The following POFUT2 variants were observed in gnomAD, a reference collection of about 807,000 sequenced individuals.
POFUT2 encodes the protein GDP-fucose protein O-fucosyltransferase 2.
Under a neutral mutation model 55.0 loss-of-function variants are expected in POFUT2, and 30 were observed. The ratio of observed to expected loss-of-function variants is 0.55; its 90% confidence interval spans 0.41 to 0.74. POFUT2 has a LOEUF of 0.74. Among genes scored for constraint, POFUT2 ranks in the 30% least tolerant of loss-of-function variants. POFUT2 has a pLI of 0.00. For synonymous variants in POFUT2, 267 were observed against 231.1 expected (o/e 1.16, Z -1.41); for missense variants, 524 against 562.6 (o/e 0.93, Z 0.69).
In POFUT2 at chr21:45,265,372, C is replaced by T. The variant is rs1271990413; in HGVS notation, c.*110G>A. The T allele has an allele frequency of 2.0e-5, 20 of 990,862 alleles. No individual in the cohort carries two copies. The highest frequency in any genetic ancestry group is 9.6e-5 in the South Asian group (6 of 62,806). The allele number at this position is 990,862 out of a possible 1,614,324, so 61.4% of individuals were successfully genotyped here. On this transcript the variant is annotated 3_prime_UTR_variant, in exon 9 of 9. Coordinates refer to ENST00000349485, the MANE Select transcript of POFUT2 (RefSeq NM_133635.6). This position sits in a 1 kb window ranked among gnomAD's most constrained non-coding sequence, Gnocchi z 4.6. Reference sequence around the variant, plus strand: ...TCTGGGCCTGGGACCCTGCGAGGGACGGTCCTGTCCGCCCAGCTCCCGGCT... The same window carrying T: ...TCTGGGCCTGGGACCCTGCGAGGGATGGTCCTGTCCGCCCAGCTCCCGGCT...
In POFUT2 at chr21:45,284,523, T is replaced by C. The variant is rs1008179347; in HGVS notation, c.383-996A>G. 6.6e-6 allele frequency among the ~76,000 whole-genome samples: 1 copy of C among 152,152 alleles called. No homozygotes were observed. The highest frequency in any genetic ancestry group is 2.4e-5 in the African/African-American group (1 of 41,430). On this transcript the variant is annotated intron_variant, in intron 2 of 8. Coordinates refer to ENST00000349485, the MANE Select transcript of POFUT2 (RefSeq NM_133635.6). The surrounding 1 kb of genome is among the most constrained non-coding windows in gnomAD (Gnocchi z 5.8). ...ACAGCTCAGCAAAGCCCCAGGCTGGTGGATGGCAGGTAAGCGTGAGACCAG... is the reference window on the plus strand; with the variant it reads ...ACAGCTCAGCAAAGCCCCAGGCTGGCGGATGGCAGGTAAGCGTGAGACCAG...
chr21:45,269,267 A>AG (rs1411130142), intron 7 of POFUT2, among the ~76,000 whole-genome samples: 3 of 150,896 alleles, frequency 2.0e-5, no homozygotes, highest in Non-Finnish European at 3.0e-5. Context: ...CTGCCCGGCC[A>AG]CCACCCCGTC....
intron 3 of POFUT2, 173 bp downstream of exon 3, chr21:45,283,210 G>T (rs1481788531): frequency 6.0e-5 from 26 of 431,828 alleles, no homozygotes; most frequent in Middle Eastern, 7.0e-4. Context: ...CGGGGGGAGT[G>T]GGGGGTGAAG....
At chr21:45,278,047 C>T (rs769913383) in intron 5 of POFUT2, 56 bp downstream of exon 5, 227 of 1,320,656 alleles carry the variant, frequency 1.7e-4, no homozygotes, top group Non-Finnish European at 2.4e-4. Context: ...TTTTCAAAAG[C>T]TAAATAATGG....
At chr21:45,273,942 A>G (rs1251793197) in intron 6 of POFUT2, among the ~76,000 whole-genome samples, 1 of 152,208 alleles carries the variant, frequency 6.6e-6, no homozygotes, top group Non-Finnish European at 1.5e-5. Flanking sequence ...TCTATTCAAC[A>G]TAGTACTAGA....
chr21:45,266,173 C>T lies in POFUT2; in HGVS notation c.1137-538G>A, dbSNP rs374166306. ...CCAGACCTCAGGTCAGCGGCCTGCCCGTTCCTCCGGCTCCTGCGCAGCTGG... is the reference window on the plus strand; with the variant it reads ...CCAGACCTCAGGTCAGCGGCCTGCCTGTTCCTCCGGCTCCTGCGCAGCTGG... On this transcript the variant is annotated intron_variant, in intron 8 of 8. Coordinates refer to ENST00000349485, the MANE Select transcript of POFUT2 (RefSeq NM_133635.6). 3.5e-5 allele frequency: 48 copies of T among 1,367,184 alleles called. 1 individual carries two copies. Among genetic ancestry groups the T allele is most frequent in the South Asian group, 3.0e-4 (26 of 88,056 alleles). The allele number at this position is 1,367,184 out of a possible 1,614,324, so 84.7% of individuals were successfully genotyped here.
At position 45,283,439 on chromosome 21, in the gene POFUT2, G is replaced by A. The variant is rs567384880; in HGVS notation, c.471C>T (p.Asp157=). Residue 157 remains aspartate, a synonymous_variant, in exon 3 of 9, where the codon GAC becomes GAT. Transcript: ENST00000349485. ...WKEGTWEEKV[D]ERPCIDQLLY... ...GGAGCTGATCAATACACGGCCGCTC[G>A]TCCACCTTCTCTTCCCAGGTCCCTT... The A allele has an allele frequency of 7.4e-4, 1,191 of 1,613,600 alleles. 15 individuals carry two copies. In the South Asian group the frequency reaches 0.012, roughly 16 times the overall value.
chr21:45,267,954 A>G lies in POFUT2; in HGVS notation c.1013-241T>C, dbSNP rs1048129943. On this transcript the variant is annotated intron_variant, in intron 7 of 8. Coordinates refer to ENST00000349485, the MANE Select transcript of POFUT2 (RefSeq NM_133635.6). The surrounding 1 kb of genome is among the most constrained non-coding windows in gnomAD (Gnocchi z 4.4). Reference sequence around the variant, plus strand: ...GAACAGAACCAGGGATCAAGAAGAAAGGAAAGAAACGTGCTCCCTCTCCCT... The same window carrying G: ...GAACAGAACCAGGGATCAAGAAGAAGGGAAAGAAACGTGCTCCCTCTCCCT... Among the ~76,000 whole-genome samples, 1 of 152,148 alleles carries G rather than the reference A, an allele frequency of 6.6e-6. No homozygotes were observed. The highest frequency in any genetic ancestry group is 1.5e-5 in the Non-Finnish European group (1 of 68,016).
intron 7 of POFUT2, among the ~76,000 whole-genome samples, chr21:45,269,241 G>A (rs868500193): frequency 3.4e-4 from 52 of 152,158 alleles, no homozygotes; most frequent in Non-Finnish European, 6.5e-4. Context: ...CCCCTACTGG[G>A]AAGTGAAGAG....
chr21:45,270,958 G>A lies in POFUT2; in HGVS notation c.832-939C>T, dbSNP rs901828317. ...GCCCAAATGAGAAGCAGGCAGAAAA[G>A]CAATTGTGATAATATGACAAAACAA... On this transcript the variant is annotated intron_variant, in intron 6 of 8. Coordinates refer to ENST00000349485, the MANE Select transcript of POFUT2 (RefSeq NM_133635.6). This position sits in a 1 kb window ranked among gnomAD's most constrained non-coding sequence, Gnocchi z 4.6. Among the ~76,000 whole-genome samples, 1 of 152,334 alleles carries A rather than the reference G, an allele frequency of 6.6e-6. No individual in the cohort carries two copies. Among genetic ancestry groups the A allele is most frequent in the East Asian group, 1.9e-4 (1 of 5,186 alleles).
Position 45,283,325 on chromosome 21 carries a change from ATGCGGCAGGGGGAGGTGGGGGGGCACC to A in POFUT2, c.527+31_527+57del, listed in dbSNP as rs1312568401. 1,105 of 673,688 alleles carry A rather than the reference ATGCGGCAGGGGGAGGTGGGGGGGCACC, an allele frequency of 1.6e-3. 4 individuals are homozygous for A. The highest frequency in any genetic ancestry group is 4.4e-3 in the South Asian group (216 of 49,386). 41.7% of individuals were successfully genotyped at this position (673,688 alleles called of 1,614,324 possible). Reference sequence around the variant, plus strand: ...GCCTGAGGCGGGGGGGGGGGGACGCATGCGGCAGGGGGAGGTGGGGGGGCACCTGCGGCAGGGGGAGCAGCCTCAGCA... The same window carrying A: ...GCCTGAGGCGGGGGGGGGGGGACGCATGCGGCAGGGGGAGCAGCCTCAGCA... On this transcript the variant is annotated intron_variant, in intron 3 of 8. Coordinates refer to ENST00000349485, the MANE Select transcript of POFUT2 (RefSeq NM_133635.6).
rs913978306 is a variant in POFUT2 at position 45,266,283 on chromosome 21, C to T, written c.1137-648G>A. 5.0e-5 allele frequency: 68 copies of T among 1,366,900 alleles called. 1 individual carries two copies. The South Asian group carries it at 5.3e-4, about 11-fold the overall frequency. 84.7% of individuals were successfully genotyped at this position (1,366,900 alleles called of 1,614,324 possible). A position where few individuals can be genotyped will look rare whatever the true frequency, so the allele number is the denominator to read the frequency against. ...TCCAGAGCAAATGTAACATGCACAG[C>T]GCTGTACACAGAGCCACAGGGCCAG... On this transcript the variant is annotated intron_variant, in intron 8 of 8. Coordinates refer to ENST00000349485, the MANE Select transcript of POFUT2 (RefSeq NM_133635.6).
chr21:45,285,866 C>A lies in POFUT2; in HGVS notation c.194G>T (p.Arg65Leu), dbSNP rs773410258. The stretch of plus-strand genomic sequence containing the variant: ...CAGAGTCTTCAGGAGAGAGGCGATT[C>A]GGATATAGACATCCCTGCGCAGGTT... ...GFNLRRDVYI[R>L]IASLLKTLLK... Residue 65 changes from arginine (R) to leucine (L), a missense_variant, in exon 2 of 9, where the codon CGA (arginine) becomes CTA (leucine). Physicochemically the swap from Arg to Leu is moderately radical, Grantham distance 102 (BLOSUM62 -2). Around this residue, in one of 2 missense-constraint regions of POFUT2, gnomAD observed 274 missense variants for 244.4 expected, o/e 1.12. Transcript: ENST00000349485. The surrounding 1 kb of genome is among the most constrained non-coding windows in gnomAD (Gnocchi z 4.9). 6.2e-7 allele frequency: 1 copy of A among 1,612,836 alleles called. No individual in the cohort carries two copies. The highest frequency in any genetic ancestry group is 1.3e-5 in the African/African-American group (1 of 74,880).
chr21:45,277,074 G>C lies in POFUT2; in HGVS notation c.774C>G (p.Leu258=). 6.2e-7 allele frequency: 1 copy of C among 1,614,098 alleles called. No homozygotes were observed. Among genetic ancestry groups the C allele is most frequent in the African/African-American group, 1.3e-5 (1 of 75,050 alleles). ...EVGDEFRSRH[L]NSTDDADRIP... Reference sequence around the variant, plus strand: ...TCCTGTCTGCGTCGTCCGTGGAGTTGAGATGTCTGCTCCTGAACTCGTCTC... The same window carrying C: ...TCCTGTCTGCGTCGTCCGTGGAGTTCAGATGTCTGCTCCTGAACTCGTCTC... The change falls in exon 6 of 9, where the codon CTC becomes CTG. Residue 258 remains leucine, a synonymous_variant. Coordinates refer to ENST00000349485, the MANE Select transcript of POFUT2 (RefSeq NM_133635.6). The surrounding 1 kb of genome is among the most constrained non-coding windows in gnomAD (Gnocchi z 6.9).
rs2093150155 is a variant in POFUT2, at chr21:45,265,987, G to C, written c.1137-352C>G. 1.6e-6 allele frequency: 2 copies of C among 1,222,324 alleles called. No individual in the cohort carries two copies. Among genetic ancestry groups the C allele is most frequent in the Admixed American group, 6.7e-5 (2 of 29,726 alleles). 75.7% of individuals were successfully genotyped at this position (1,222,324 alleles called of 1,614,324 possible). The stretch of plus-strand genomic sequence containing the variant: ...CAGTGCAGGTCGAATACCTCCTGGG[G>C]GTCACATGGTGAACAATGAGAGATT... On this transcript the variant is annotated intron_variant, in intron 8 of 8. Transcript: ENST00000349485. This position sits in a 1 kb window ranked among gnomAD's most constrained non-coding sequence, Gnocchi z 4.6.
chr21:45,268,697 C>G (rs1351499152), intron 7 of POFUT2, among the ~76,000 whole-genome samples: 1 of 148,190 alleles, frequency 6.7e-6, no homozygotes, highest in Admixed American at 6.7e-5. Flanking sequence ...AGGTGAGGAG[C>G]GTCTCTGCCC....
intron 7 of POFUT2, among the ~76,000 whole-genome samples, chr21:45,268,555 C>T (rs149277402): frequency 0.042 from 6,383 of 151,494 alleles, 179 homozygotes; most frequent in South Asian, 0.086. Flanking sequence ...TCTTTCCGGC[C>T]GCCATCACAT....
intron 6 of POFUT2, among the ~76,000 whole-genome samples, chr21:45,276,658 G>C (rs545522046): frequency 6.6e-6 from 1 of 152,206 alleles, no homozygotes; most frequent in East Asian, 1.9e-4. Flanking sequence ...TATCAATCAA[G>C]TCAAGAGGGA....
At chr21:45,268,903 G>A (rs2093188605) in intron 7 of POFUT2, among the ~76,000 whole-genome samples, 1 of 107,830 alleles carries the variant, frequency 9.3e-6, no homozygotes, top group South Asian at 4.0e-4. Context: ...CCGTCCGGGA[G>A]GGAGGTGGGG....
Sources: allele counts gnomAD v4.1 joint callset (sites outside exome capture counted in the v4.1 genomes callset), GRCh38; gene constraint gnomAD v4.1.1; regional missense constraint gnomAD v4.1.1; non-coding constraint Gnocchi (gnomAD v3.1); transcripts MANE v1.5; gene names NCBI Gene and HGNC (gene_info 2026-07-23, HGNC 2026-07-21).